USH2A: variants seen among roughly 807,000 people sequenced by gnomAD.
USH2A encodes Usher syndrome 2A (autosomal recessive, mild).
Under a neutral mutation model 538.9 loss-of-function variants are expected in USH2A, and 443 were observed. The observed-to-expected ratio is 0.82, with a 90% confidence interval of 0.76 to 0.89. The LOEUF (loss-of-function observed/expected upper bound fraction) is 0.89. Among genes scored for constraint, USH2A ranks in the 40% least tolerant of loss-of-function variants. The probability of loss-of-function intolerance (pLI) is 0.00; values close to 1 mark genes in which losing one functional copy is unlikely to be tolerated. For missense variants in USH2A, 6,633 were observed against 6,324.8 expected, an observed-to-expected ratio of 1.05 and a Z score of -1.65; for synonymous variants, 2,413 against 2,273.5, an observed-to-expected ratio of 1.06 and a Z score of -1.75.
rs1558158031 is a variant in USH2A at position 215,912,497 on chromosome 1, A to ATATATACG, written c.7301-11593_7301-11592insCGTATATA. Among the ~76,000 whole-genome samples the ATATATACG allele has an allele frequency of 1.4e-3, 32 of 23,082 alleles. No homozygotes were observed. In the South Asian group the frequency reaches 0.039, roughly 28 times the overall value. The allele number at this position is 23,082 out of a possible 152,430, so 15.1% of individuals were successfully genotyped here. A position where few individuals can be genotyped will look rare whatever the true frequency, so the allele number is the denominator to read the frequency against. On this transcript the variant is annotated intron_variant, in intron 38 of 71. Coordinates refer to ENST00000307340, the MANE Select transcript of USH2A (RefSeq NM_206933.4). ...TATACGTATATATATATATGTGTAT[A>ATATATACG]TATATATATATATACGTGTATATAT...
chr1:215,674,209 A>G lies in USH2A; in HGVS notation c.13702T>C (p.Phe4568Leu). 1 of 1,614,176 alleles carries G rather than the reference A, an allele frequency of 6.2e-7. No homozygotes were observed. Among genetic ancestry groups the G allele is most frequent in the East Asian group, 2.2e-5 (1 of 44,876 alleles). Residue 4568 changes from phenylalanine to leucine, a missense_variant, in exon 63 of 72, where the codon TTC becomes CTC. Transcript: ENST00000307340. ...TCTCTTTCAAATAGTTCACGGATGA[A>G]GAGGGTATAATTGATGATATCACCA... ...TNGDIINYTLFIRELFERETK... is the reference protein window; with the variant it reads ...TNGDIINYTLLIRELFERETK...
At chr1:216,136,753 T>A (rs9658799) in intron 21 of USH2A, among the ~76,000 whole-genome samples, 2,153 of 152,230 alleles carry the variant, frequency 0.014, 48 homozygotes, top group African/African-American at 0.049. Context: ...GAGACAGATG[T>A]GCATGCAAAG....
rs765981949 is a variant in USH2A, at chr1:216,207,378, T to C, written c.3211A>G (p.Asn1071Asp). 1.2e-6 allele frequency: 2 copies of C among 1,613,970 alleles called. No homozygotes were observed. Among genetic ancestry groups the C allele is most frequent in the Middle Eastern group, 1.7e-4 (1 of 6,058 alleles). Reference protein sequence around the residue: ...RGQVQSSSAINLSWSPPDSPN... With the variant: ...RGQVQSSSAIDLSWSPPDSPN... ...GAATCAGGTGGACTCCAGGAGAGAT[T>C]GATAGCAGAAGAACTTTGAACTTGT... Residue 1071 changes from asparagine to aspartate, a missense_variant, in exon 16 of 72, where the codon AAT becomes GAT. Physicochemically the swap from Asn to Asp is conservative, Grantham distance 23. Transcript: ENST00000307340.
chr1:215,996,809 AGCAGTTT>A (rs1405054947), intron 34 of USH2A, among the ~76,000 whole-genome samples: 3 of 152,056 alleles, frequency 2.0e-5, no homozygotes, highest in Non-Finnish European at 4.4e-5. Context: ...CTTATGTTTC[AGCAGTTT>A]ATAATCCAGT....
chr1:216,413,830 A>C, intron 3 of USH2A, among the ~76,000 whole-genome samples: 1 of 152,106 alleles, frequency 6.6e-6, no homozygotes, highest in Non-Finnish European at 1.5e-5. Context: ...TAATTGTTTT[A>C]CTGCAATTCT....
intron 71 of USH2A, among the ~76,000 whole-genome samples, chr1:215,627,783 C>T (rs1352316045): frequency 6.6e-6 from 1 of 152,200 alleles, no homozygotes; most frequent in East Asian, 1.9e-4. Flanking sequence ...CCACCTCGGC[C>T]TCCCAAAATG....
At chr1:216,343,721 T>A (rs984357493) in intron 4 of USH2A, among the ~76,000 whole-genome samples, 2 of 152,052 alleles carry the variant, frequency 1.3e-5, no homozygotes, top group Non-Finnish European at 2.9e-5. Flanking sequence ...TGGGGTCAGG[T>A]TAATTATCTG....
At chr1:216,345,592 T>C (rs554885352) in intron 4 of USH2A, among the ~76,000 whole-genome samples, 1 of 152,084 alleles carries the variant, frequency 6.6e-6, no homozygotes, top group East Asian at 1.9e-4. Flanking sequence ...CTCTGTAAAG[T>C]TCTGATTAAT....
intron 64 of USH2A, among the ~76,000 whole-genome samples, chr1:215,656,981 G>A (rs748667478): frequency 6.6e-6 from 1 of 152,176 alleles, no homozygotes; most frequent in African/African-American, 2.4e-5. Context: ...TTTCCTAGGG[G>A]CATGTAATGA....
In USH2A at chr1:216,039,701, T is replaced by C. The variant is rs148209357; in HGVS notation, c.6325+6730A>G. 2.6e-5 allele frequency among the ~76,000 whole-genome samples: 4 copies of C among 152,084 alleles called. No homozygotes were observed. The East Asian group carries it at 7.7e-4, about 29-fold the overall frequency. On this transcript the variant is annotated intron_variant, in intron 32 of 71. Transcript: ENST00000307340. ...TGAATGAGTATAATTTAGCTCAAAT[T>C]TGTAGAGTGCTGATAAGGTTCCTTA... is the stretch of plus-strand genomic sequence containing the variant.
Position 215,888,146 on chromosome 1 carries a change from G to A in USH2A, c.8223+280C>T, listed in dbSNP as rs1030213955. On this transcript the variant is annotated intron_variant, in intron 41 of 71. Transcript: ENST00000307340. ...ATTTTCTGATCTATTTAAATCTGAC[G>A]TGGTGGTTAAGCTAAGCATCATTGT... Among the ~76,000 whole-genome samples, 10 of 151,974 alleles carry A rather than the reference G, an allele frequency of 6.6e-5. No individual in the cohort carries two copies. In the East Asian group the frequency reaches 1.2e-3, roughly 18 times the overall value.
At chr1:215,899,300 A>G (rs1665430623) in intron 40 of USH2A, among the ~76,000 whole-genome samples, 1 of 152,192 alleles carries the variant, frequency 6.6e-6, no homozygotes, top group African/African-American at 2.4e-5. Context: ...CCTATGATTA[A>G]AAGACTTCAC....
At chr1:216,234,787 T>C (rs1324309954) in intron 13 of USH2A, among the ~76,000 whole-genome samples, 4 of 152,060 alleles carry the variant, frequency 2.6e-5, no homozygotes, top group African/African-American at 9.7e-5. Context: ...TAAGTACAAG[T>C]AGGGGATAGC....
intron 21 of USH2A, among the ~76,000 whole-genome samples, chr1:216,122,551 C>T (rs1303003255): frequency 6.6e-6 from 1 of 152,168 alleles, no homozygotes; most frequent in Non-Finnish European, 1.5e-5. Context: ...GGATACTAGG[C>T]AGCTTTCCAA....
chr1:216,048,028 C>T (rs143998205), intron 31 of USH2A, among the ~76,000 whole-genome samples: 32 of 152,284 alleles, frequency 2.1e-4, no homozygotes, highest in Middle Eastern at 3.4e-3. Context: ...TTGGAAGGAA[C>T]TAAGCAGTGA....
chr1:215,814,993 T>C (rs544390069), intron 48 of USH2A, among the ~76,000 whole-genome samples: 2 of 152,246 alleles, frequency 1.3e-5, no homozygotes, highest in East Asian at 1.9e-4. Flanking sequence ...TTGGGAAACA[T>C]TGATGTTTAC....
At chr1:216,233,284 G>C (rs545971604) in intron 13 of USH2A, among the ~76,000 whole-genome samples, 16 of 152,088 alleles carry the variant, frequency 1.1e-4, no homozygotes, top group African/African-American at 3.9e-4. Flanking sequence ...GGGCCGTTCT[G>C]TCTGCTGGGA....
chr1:216,374,666 A>G (rs2038784224), intron 3 of USH2A, among the ~76,000 whole-genome samples: 3 of 152,164 alleles, frequency 2.0e-5, no homozygotes, highest in Non-Finnish European at 1.5e-5. Context: ...ATATAGACTC[A>G]TGAGTCTCTA....
chr1:216,398,169 C>T (rs147971941), intron 3 of USH2A, among the ~76,000 whole-genome samples: 20 of 152,296 alleles, frequency 1.3e-4, no homozygotes, highest in African/African-American at 3.8e-4. Flanking sequence ...TATAACACTA[C>T]ATGACTTCTG....
Sources: gnomAD v4.1 joint callset for allele counts (sites outside exome capture counted in the v4.1 genomes callset) on GRCh38, gnomAD v4.1.1 for gene constraint, MANE v1.5 for transcripts, NCBI Gene and HGNC (gene_info 2026-07-23, HGNC 2026-07-21) for gene names.